PRDM6: variants seen among roughly 807,000 people sequenced by gnomAD.
PRDM6 encodes putative histone-lysine N-methyltransferase PRDM6.
Under a neutral mutation model 60.8 loss-of-function variants are expected in PRDM6, and 25 were observed. That is an observed-to-expected ratio of 0.41 (90% CI 0.30 to 0.57). PRDM6 has a LOEUF of 0.57. PRDM6 is among the 20% of genes least tolerant of loss of function. The pLI is 0.27. For synonymous variants in PRDM6, 407 were observed against 357.4 expected, an observed-to-expected ratio of 1.14 and a Z score of -1.57; for missense variants, 839 against 821.3, an observed-to-expected ratio of 1.02 and a Z score of -0.26.
Position 123,126,390 on chromosome 5 carries a change from GT to G in PRDM6, c.900+26442del, listed in dbSNP as rs1181800605. Among the ~76,000 whole-genome samples the G allele has an allele frequency of 8.0e-3, 1,146 of 143,766 alleles. 16 individuals are homozygous for G. The highest frequency in any genetic ancestry group is 0.027 in the African/African-American group (1,061 of 39,438). 94.3% of individuals were successfully genotyped at this position (143,766 alleles called of 152,430 possible). On this transcript the variant is annotated intron_variant, in intron 3 of 7. Coordinates refer to ENST00000407847, the MANE Select transcript of PRDM6 (RefSeq NM_001136239.4). ...AAGTCTGGGCTCTGATGCACCAAGT[GT>G]TTTTTTTTTTTTCTGTTGAAATTAA...
chr5:123,122,939 AT>A (rs1425965921), intron 3 of PRDM6, among the ~76,000 whole-genome samples: 2 of 152,100 alleles, frequency 1.3e-5, no homozygotes, highest in East Asian at 1.9e-4. Flanking sequence ...AATTTTGGAT[AT>A]TTGACTTGCT....
intron 5 of PRDM6, among the ~76,000 whole-genome samples, chr5:123,163,785 TAAAC>T (rs1239098968): frequency 1.3e-5 from 2 of 152,158 alleles, no homozygotes; most frequent in African/African-American, 4.8e-5. Flanking sequence ...GAATAAATGT[TAAAC>T]AAGTCTTCCT....
intron 3 of PRDM6, 50 bp downstream of exon 3, chr5:123,100,011 A>AGCAGGGAACCTTGGCCG (rs1561803921): frequency 3.5e-6 from 5 of 1,442,210 alleles, no homozygotes; most frequent in Non-Finnish European, 4.6e-6. Context: ...AGCCTTGGCC[A>AGCAGGGAACCTTGGCCG]GCAGGGAGCC....
At chr5:123,103,115 A>T (rs1446388936) in intron 3 of PRDM6, among the ~76,000 whole-genome samples, 1 of 152,084 alleles carries the variant, frequency 6.6e-6, no homozygotes, top group Non-Finnish European at 1.5e-5. Context: ...AAATACAGCA[A>T]TTTAAAGGAA....
chr5:123,113,937 C>T (rs528170699), intron 3 of PRDM6, among the ~76,000 whole-genome samples: 3 of 152,266 alleles, frequency 2.0e-5, no homozygotes, highest in East Asian at 1.9e-4. Flanking sequence ...TATGGAGAAC[C>T]TACCATGCAT....
intron 3 of PRDM6, 62 bp from the exon 4 acceptor site, chr5:123,155,822 A>G: frequency 3.3e-6 from 5 of 1,522,430 alleles, no homozygotes; most frequent in African/African-American, 1.4e-5. Flanking sequence ...CACCAAGGGA[A>G]GTAGGGAAAA....
chr5:123,110,506 G>A (rs1192791779), intron 3 of PRDM6, among the ~76,000 whole-genome samples: 1 of 149,506 alleles, frequency 6.7e-6, no homozygotes, highest in Non-Finnish European at 1.5e-5. Context: ...TGATCCACGA[G>A]CCTCCCAAAG....
chr5:123,170,216 C>A (rs1461846033), intron 5 of PRDM6, among the ~76,000 whole-genome samples: 1 of 152,174 alleles, frequency 6.6e-6, no homozygotes, highest in East Asian at 1.9e-4. Flanking sequence ...CTCCTGCCTC[C>A]TCCCACCTGC....
chr5:123,133,516 A>G (rs1241563277), intron 3 of PRDM6, among the ~76,000 whole-genome samples: 1 of 152,134 alleles, frequency 6.6e-6, no homozygotes, highest in Non-Finnish European at 1.5e-5. Flanking sequence ...CATTGCAAAT[A>G]CAATCCAGAA....
chr5:123,153,276 G>A (rs555010372), intron 3 of PRDM6, among the ~76,000 whole-genome samples: 1 of 151,492 alleles, frequency 6.6e-6, no homozygotes, highest in South Asian at 2.1e-4. Context: ...TCAGTTAAGA[G>A]ACTCTTGCTA....
In PRDM6 at chr5:123,191,552, G is replaced by C. The variant is rs1766432057; in HGVS notation, c.*4351G>C. 6.6e-6 allele frequency: 1 copy of C among 152,090 alleles called. No homozygotes were observed. The highest frequency in any genetic ancestry group is 2.4e-5 in the African/African-American group (1 of 41,398). 9.4% of individuals were successfully genotyped at this position (152,090 alleles called of 1,614,324 possible). A position where few individuals can be genotyped will look rare whatever the true frequency, so the allele number is the denominator to read the frequency against. On this transcript the variant is annotated 3_prime_UTR_variant, in exon 8 of 8. Coordinates refer to ENST00000407847, the MANE Select transcript of PRDM6 (RefSeq NM_001136239.4). ...GAGTCTTTACTAGATCCTGACATCAGATTTTAAAAGATACTGAGATATATG... is the reference window on the plus strand; with the variant it reads ...GAGTCTTTACTAGATCCTGACATCACATTTTAAAAGATACTGAGATATATG...
At chr5:123,126,195 T>C (rs994052045) in intron 3 of PRDM6, among the ~76,000 whole-genome samples, 6 of 152,170 alleles carry the variant, frequency 3.9e-5, no homozygotes, top group Non-Finnish European at 8.8e-5. Context: ...CTTTTGTACA[T>C]GCATAAGTAG....
chr5:123,172,011 T>C (rs979954699), intron 6 of PRDM6, among the ~76,000 whole-genome samples: 1 of 152,174 alleles, frequency 6.6e-6, no homozygotes, highest in Non-Finnish European at 1.5e-5. Flanking sequence ...AAATGCACTT[T>C]GAATATAAAA....
intron 2 of PRDM6, among the ~76,000 whole-genome samples, chr5:123,091,935 T>A (rs1763849558): frequency 7.4e-6 from 1 of 134,984 alleles, no homozygotes; most frequent in Non-Finnish European, 1.7e-5. Flanking sequence ...AGTCGTTGAT[T>A]TGATGAAAAA....
In PRDM6 at chr5:123,180,575, C is replaced by T. The variant is rs548069891; in HGVS notation, c.1673+252C>T. Among the ~76,000 whole-genome samples, 8 of 152,306 alleles carry T rather than the reference C, an allele frequency of 5.3e-5. No individual in the cohort carries two copies. The South Asian group carries it at 1.0e-3, about 20-fold the overall frequency. On this transcript the variant is annotated intron_variant, in intron 7 of 7. Transcript: ENST00000407847. ...GACAAATCTTCTGGGTCTGTTTTCT[C>T]ATCATTAAAATAAAGAGGTAGGAGT...
In PRDM6 at chr5:123,098,083, TC is replaced by T. The variant is rs1763999192; in HGVS notation, c.593-1569del. 2.0e-5 allele frequency among the ~76,000 whole-genome samples: 3 copies of T among 152,352 alleles called. No homozygotes were observed. In the South Asian group the frequency reaches 6.2e-4, roughly 32 times the overall value. On this transcript the variant is annotated intron_variant, in intron 2 of 7. Transcript: ENST00000407847. ...ACCATGCTGGGTTGCGATTAGCTGT[TC>T]CTGACACAAACGTTTCATACAGACT...
intron 3 of PRDM6, among the ~76,000 whole-genome samples, chr5:123,142,302 C>T (rs925844624): frequency 4.3e-5 from 3 of 69,160 alleles, no homozygotes; most frequent in Non-Finnish European, 1.0e-4. Flanking sequence ...TTATTTAAAG[C>T]CCATGCAATG....
intron 3 of PRDM6, among the ~76,000 whole-genome samples, chr5:123,104,351 A>G (rs999362113): frequency 6.6e-6 from 1 of 152,098 alleles, no homozygotes; most frequent in Non-Finnish European, 1.5e-5. Context: ...ATACAGTACT[A>G]TACCCACTTA....
chr5:123,095,752 A>G (rs940157752), intron 2 of PRDM6, among the ~76,000 whole-genome samples: 1 of 152,214 alleles, frequency 6.6e-6, no homozygotes, highest in Non-Finnish European at 1.5e-5. Context: ...GGCGTCGGGC[A>G]GGTACTGGGG....
Sources: gnomAD v4.1 joint callset for allele counts (sites outside exome capture counted in the v4.1 genomes callset) on GRCh38, gnomAD v4.1.1 for gene constraint, MANE v1.5 for transcripts, NCBI Gene and HGNC (gene_info 2026-07-23, HGNC 2026-07-21) for gene names.